The following CDH26 variants were observed in gnomAD, a reference collection of about 807,000 sequenced individuals.
CDH26 encodes cadherin-like protein 26.
CDH26 carries 83 observed loss-of-function variants against 90.3 expected under a neutral mutation model. That is an observed-to-expected ratio of 0.92 (90% CI 0.77 to 1.10). The LOEUF (loss-of-function observed/expected upper bound fraction) is 1.10. Ranked by LOEUF, CDH26 falls within the 50% of genes least tolerant of loss-of-function variation. The pLI, the probability that CDH26 is intolerant of heterozygous loss-of-function variation, is 0.00. For synonymous variants in CDH26, 397 were observed against 396.3 expected (o/e 1.00, Z -0.02); for missense variants, 1,013 against 1,037.6 (o/e 0.98, Z 0.33).
downstream of CDH26, among the ~76,000 whole-genome samples, chr20:60,018,079 C>T (rs958616878): frequency 4.6e-5 from 7 of 152,048 alleles, no homozygotes; most frequent in South Asian, 4.1e-4. Flanking sequence ...ATGTGTATTC[C>T]GTAGCTGTTG....
chr20:60,001,245 T>C (rs1405175729), intron 14 of CDH26, 98 bp from the exon 15 acceptor site: 1 of 1,427,928 alleles, frequency 7.0e-7, no homozygotes, highest in Non-Finnish European at 9.7e-7. Flanking sequence ...TATGAATATA[T>C]GAGCAAGGGG....
chr20:59,972,644 A>G (rs1362248313), intron 4 of CDH26, among the ~76,000 whole-genome samples: 1 of 152,220 alleles, frequency 6.6e-6, no homozygotes, highest in Non-Finnish European at 1.5e-5. Context: ...AGGAAATTAT[A>G]AAGAAAAAAG....
Position 59,985,126 on chromosome 20 carries a change from G to T in CDH26, c.834G>T (p.Glu278Asp). ...ACCACAGGCCTGCATTTACCCAGGA[G>T]AACGTGAGGCTCCTGGGCCGCCCCA... ...GNNHRPAFTQENYKVQIPEGR... is the reference protein window; with the variant it reads ...GNNHRPAFTQDNYKVQIPEGR... The change falls in exon 7 of 18, where the codon GAG (glutamate) becomes GAT (aspartate). Residue 278 changes from glutamate (E) to aspartate (D), a missense_variant. By Grantham distance (45) the Glu-to-Asp change is conservative. Coordinates refer to ENST00000348616, the MANE Select transcript of CDH26 (RefSeq NM_177980.4). 6.2e-7 allele frequency: 1 copy of T among 1,612,854 alleles called. No homozygotes were observed. Among genetic ancestry groups the T allele is most frequent in the Non-Finnish European group, 8.5e-7 (1 of 1,179,864 alleles).
rs1601094323 is a variant in CDH26, at chr20:59,968,893, T to C, written c.70-74T>C. On this transcript the variant is annotated intron_variant, in intron 1 of 17. Coordinates refer to ENST00000348616, the MANE Select transcript of CDH26 (RefSeq NM_177980.4). ...TTCATCATTTCTAATTCTAGATTTGTGCAACTCCAGGTGGTTTCCATGTGA... is the reference window on the plus strand; with the variant it reads ...TTCATCATTTCTAATTCTAGATTTGCGCAACTCCAGGTGGTTTCCATGTGA... 5.7e-6 allele frequency: 4 copies of C among 700,084 alleles called. No homozygotes were observed. In the East Asian group the frequency reaches 8.4e-5, roughly 15 times the overall value. The allele number at this position is 700,084 out of a possible 1,614,324, so 43.4% of individuals were successfully genotyped here.
intron 7 of CDH26, among the ~76,000 whole-genome samples, chr20:59,985,346 A>G (rs1296176729): frequency 6.6e-6 from 1 of 152,102 alleles, no homozygotes; most frequent in East Asian, 1.9e-4. Context: ...GCTTCTAGGG[A>G]GGCCTCAGGA....
intron 10 of CDH26, among the ~76,000 whole-genome samples, chr20:59,993,689 A>G (rs937533972): frequency 6.6e-6 from 1 of 152,176 alleles, no homozygotes; most frequent in African/African-American, 2.4e-5. Context: ...TTGGCTCCAT[A>G]TATTTGCAGT....
At chr20:60,021,893 C>CATAT (rs1440474881) in intron 7 of CDH26, among the ~76,000 whole-genome samples, 6 of 87,544 alleles carry the variant, frequency 6.9e-5, no homozygotes, top group African/African-American at 1.8e-4. Context: ...CACACACACA[C>CATAT]ACACATATAT....
chr20:59,967,928 C>CTTT (rs2061187766), intron 1 of CDH26, among the ~76,000 whole-genome samples: 4 of 128,432 alleles, frequency 3.1e-5, no homozygotes, highest in African/African-American at 1.3e-4. Context: ...CCTTTCCTTT[C>CTTT]CTTTCCCTTT....
chr20:60,001,414 G>T lies in CDH26; in HGVS notation c.2166+3G>T, dbSNP rs762110962. The stretch of plus-strand genomic sequence containing the variant: ...CACGCTGTGCTCTGGGGAGCTGGGT[G>T]AGTTCCAGAAGGTTGCTCCCTGCTA... On this transcript the variant is annotated splice_donor_region_variant and intron_variant, in intron 15 of 17. Transcript: ENST00000348616. The T allele has an allele frequency of 1.9e-6, 3 of 1,613,542 alleles. No homozygotes were observed. Among genetic ancestry groups the T allele is most frequent in the Middle Eastern group, 1.6e-4 (1 of 6,072 alleles).
Position 60,021,891 on chromosome 20 carries a change from C to CATAT in CDH26, c.948-9339_948-9338insTATA, listed in dbSNP as rs1416297614. Reference sequence around the variant, plus strand: ...ACACACACACACACACACACACACACACACACATATATATATATATATATA... The same window carrying CATAT: ...ACACACACACACACACACACACACACATATACACACATATATATATATATATATA... On this transcript the variant is annotated intron_variant, in intron 7 of 8. Transcript: ENST00000370991. Among the ~76,000 whole-genome samples, 84 of 90,156 alleles carry CATAT rather than the reference C, an allele frequency of 9.3e-4. 1 individual carries two copies. Among genetic ancestry groups the CATAT allele is most frequent in the Middle Eastern group, 6.0e-3 (1 of 168 alleles). The allele number at this position is 90,156 out of a possible 152,430, so 59.1% of individuals were successfully genotyped here.
At chr20:59,973,043 CACAGTGTCTGTTAAAAAGAAGGACTTTTA>C (rs1216594975) in intron 4 of CDH26, among the ~76,000 whole-genome samples, 1 of 152,156 alleles carries the variant, frequency 6.6e-6, no homozygotes, top group Non-Finnish European at 1.5e-5. Flanking sequence ...GTGCAGAATT[CACAGTGTCTGTTAAAAAGAAGGACTTTTA>C]ACAGTGCCTG....
At chr20:59,986,475 T>G (rs2061459793) in intron 7 of CDH26, among the ~76,000 whole-genome samples, 1 of 152,220 alleles carries the variant, frequency 6.6e-6, no homozygotes, top group Non-Finnish European at 1.5e-5. Flanking sequence ...TCCACCATAT[T>G]TCCTTTCTCC....
chr20:60,004,184 TGTTTG>T (rs1429818561), intron 16 of CDH26, among the ~76,000 whole-genome samples: 1 of 152,198 alleles, frequency 6.6e-6, no homozygotes, highest in Non-Finnish European at 1.5e-5. Context: ...TGGCTTAGTA[TGTTTG>T]GTTCAGCTTA....
chr20:59,985,073 G>T lies in CDH26; in HGVS notation c.781G>T (p.Val261Phe), dbSNP rs376455734. ...ACCGTCACTGTCATCCACGACCACC[G>T]TTCACGTGGATGTGCAAGAAGGCAA... is the stretch of plus-strand genomic sequence containing the variant. Reference protein sequence around the residue: ...GEPSLSSTTTVHVDVQEGNNH... With the variant: ...GEPSLSSTTTFHVDVQEGNNH... The change falls in exon 7 of 18, where the codon GTT (valine) becomes TTT (phenylalanine). Residue 261 changes from valine to phenylalanine, a missense_variant. Transcript: ENST00000348616. 6.2e-7 allele frequency: 1 copy of T among 1,614,056 alleles called. No individual in the cohort carries two copies. The highest frequency in any genetic ancestry group is 8.5e-7 in the Non-Finnish European group (1 of 1,179,996).
chr20:59,962,460 A>G (rs1442542431), intron 1 of CDH26, among the ~76,000 whole-genome samples: 1 of 151,904 alleles, frequency 6.6e-6, no homozygotes, highest in East Asian at 1.9e-4. Context: ...CAGCTACGTC[A>G]CTCCAGTCTC....
intron 17 of CDH26, among the ~76,000 whole-genome samples, chr20:60,011,731 G>A (rs2061845529): frequency 6.6e-6 from 1 of 152,158 alleles, no homozygotes; most frequent in East Asian, 1.9e-4. Flanking sequence ...AACAGGGGGT[G>A]CGCACTGCAC....
At position 59,996,911 on chromosome 20, in the gene CDH26, C is replaced by G. The variant is rs561262733; in HGVS notation, c.2019+150C>G. ...AAGTGGGAAAAAATTCTTGCAAATACTATCTAACTCAGATAAATGAATTTA... is the reference window on the plus strand; with the variant it reads ...AAGTGGGAAAAAATTCTTGCAAATAGTATCTAACTCAGATAAATGAATTTA... On this transcript the variant is annotated intron_variant, in intron 13 of 17. Coordinates refer to ENST00000348616, the MANE Select transcript of CDH26 (RefSeq NM_177980.4). The G allele has an allele frequency of 1.3e-4, 120 of 953,230 alleles. No individual in the cohort carries two copies. In the African/African-American group the frequency reaches 1.6e-3, roughly 13 times the overall value. The allele number at this position is 953,230 out of a possible 1,614,324, so 59.0% of individuals were successfully genotyped here. A position where few individuals can be genotyped will look rare whatever the true frequency, so the allele number is the denominator to read the frequency against.
chr20:59,995,795 G>A (rs756648492), intron 11 of CDH26, 38 bp from the exon 12 acceptor site: 6 of 1,571,338 alleles, frequency 3.8e-6, no homozygotes, highest in South Asian at 1.1e-5. Context: ...GAGCAGATGA[G>A]TGAGTCAATG....
chr20:59,971,161 A>G (rs958842056), intron 3 of CDH26, among the ~76,000 whole-genome samples: 2 of 152,142 alleles, frequency 1.3e-5, no homozygotes, highest in Non-Finnish European at 2.9e-5. Flanking sequence ...GTGGCATTCT[A>G]TGATTCTTAG....
Sources: allele counts gnomAD v4.1 joint callset (sites outside exome capture counted in the v4.1 genomes callset), GRCh38; gene constraint gnomAD v4.1.1; transcripts MANE v1.5; gene names NCBI Gene and HGNC (gene_info 2026-07-23, HGNC 2026-07-21).